Variants in FAF1 observed in about 807,000 individuals in gnomAD.
The protein encoded by FAF1 is FAS-associated factor 1.
Under a neutral mutation model 92.5 loss-of-function variants are expected in FAF1, and 25 were observed. The observed-to-expected ratio is 0.27, with a 90% CI of 0.20 to 0.38. The LOEUF (loss-of-function observed/expected upper bound fraction) is 0.38. FAF1 is among the 10% of genes least tolerant of loss of function. The pLI is 1.00. For synonymous variants in FAF1, 234 were observed against 273.2 expected (o/e 0.86, Z 1.42); for missense variants, 636 against 793.3 (o/e 0.80, Z 2.38).
intron 15 of FAF1, among the ~76,000 whole-genome samples, chr1:50,530,088 ATT>A (rs1648059475): frequency 6.6e-6 from 1 of 152,144 alleles, no homozygotes; most frequent in South Asian, 2.1e-4. Flanking sequence ...AACTTTTATA[ATT>A]TTAGCATTTT....
intron 1 of FAF1, among the ~76,000 whole-genome samples, chr1:50,934,762 A>C (rs1645073532): frequency 6.6e-6 from 1 of 152,200 alleles, no homozygotes; most frequent in Non-Finnish European, 1.5e-5. Flanking sequence ...TAAAGTCTTC[A>C]CTTTTGGTTT....
intron 15 of FAF1, among the ~76,000 whole-genome samples, chr1:50,495,549 T>C (rs72898950): frequency 0.13 from 19,487 of 152,230 alleles, 1,639 homozygotes; most frequent in African/African-American, 0.23. Context: ...TTGGCTACTG[T>C]GAACAATGCT....
At chr1:50,872,064 C>CA (rs200142842) in intron 1 of FAF1, among the ~76,000 whole-genome samples, 2,746 of 64,872 alleles carry the variant, frequency 0.042, 54 homozygotes, top group African/African-American at 0.081. Context: ...GACTCCATCT[C>CA]AAAAAAAAAA....
At chr1:50,903,269 C>T (rs779240490) in intron 1 of FAF1, among the ~76,000 whole-genome samples, 1 of 152,154 alleles carries the variant, frequency 6.6e-6, no homozygotes, top group African/African-American at 2.4e-5. Flanking sequence ...CTAAAGCCTT[C>T]CTTAATTATC....
At chr1:50,818,116 A>G (rs929328465) in intron 2 of FAF1, among the ~76,000 whole-genome samples, 1 of 152,202 alleles carries the variant, frequency 6.6e-6, no homozygotes, top group Non-Finnish European at 1.5e-5. Flanking sequence ...AAACTTATCA[A>G]ATTTTACAGT....
chr1:50,798,329 C>T (rs753496817), intron 3 of FAF1, among the ~76,000 whole-genome samples: 47 of 152,188 alleles, frequency 3.1e-4, no homozygotes, highest in Non-Finnish European at 4.3e-4. Flanking sequence ...GGTAATAAAA[C>T]AAATATGAGT....
chr1:50,451,138 G>T (rs1192322085), intron 18 of FAF1, among the ~76,000 whole-genome samples: 1 of 152,184 alleles, frequency 6.6e-6, no homozygotes, highest in Non-Finnish European at 1.5e-5. Context: ...TGGCTGCAAA[G>T]CATAGGTGTC....
chr1:50,747,006 T>G (rs1377550562), intron 4 of FAF1, among the ~76,000 whole-genome samples: 1 of 152,172 alleles, frequency 6.6e-6, no homozygotes, highest in Non-Finnish European at 1.5e-5. Context: ...AGTTGAGGCA[T>G]GGGGGCCCCC....
chr1:50,908,130 C>A (rs1192062178), intron 1 of FAF1, among the ~76,000 whole-genome samples: 5 of 152,160 alleles, frequency 3.3e-5, no homozygotes, highest in African/African-American at 1.2e-4. Context: ...TCGTTATATA[C>A]CCAGTAGTCA....
chr1:50,878,341 A>G (rs1644586674), intron 1 of FAF1, among the ~76,000 whole-genome samples: 1 of 152,184 alleles, frequency 6.6e-6, no homozygotes. Context: ...GTCCTCAGAG[A>G]ACTAAATTCA....
chr1:50,911,011 T>C (rs1570130491), intron 1 of FAF1, among the ~76,000 whole-genome samples: 1 of 151,996 alleles, frequency 6.6e-6, no homozygotes, highest in East Asian at 1.9e-4. Flanking sequence ...TCTTGGAACC[T>C]CCTTTCACCT....
intron 7 of FAF1, among the ~76,000 whole-genome samples, chr1:50,698,744 T>G (rs1337070234): frequency 6.6e-6 from 1 of 152,124 alleles, no homozygotes; most frequent in African/African-American, 2.4e-5. Context: ...CCCTATAACT[T>G]ACATTTCAAT....
chr1:50,921,643 G>C (rs1644963948), intron 1 of FAF1, among the ~76,000 whole-genome samples: 1 of 151,894 alleles, frequency 6.6e-6, no homozygotes, highest in Non-Finnish European at 1.5e-5. Context: ...CTACTAGGGA[G>C]GCTGAGTACA....
At chr1:50,497,630 C>A (rs903437831) in intron 15 of FAF1, among the ~76,000 whole-genome samples, 46 of 140,994 alleles carry the variant, frequency 3.3e-4, no homozygotes, top group African/African-American at 1.1e-3. Flanking sequence ...CTCATTGCAA[C>A]CTCCACCCCC....
At chr1:50,593,633 A>G (rs1031341679) in intron 9 of FAF1, among the ~76,000 whole-genome samples, 11 of 152,240 alleles carry the variant, frequency 7.2e-5, no homozygotes, top group African/African-American at 2.7e-4. Context: ...GTCTCTTGAA[A>G]AGGAATAAAC....
chr1:50,528,767 C>T (rs1647978847), intron 15 of FAF1, among the ~76,000 whole-genome samples: 1 of 152,058 alleles, frequency 6.6e-6, no homozygotes, highest in Non-Finnish European at 1.5e-5. Context: ...CTTTCACCTC[C>T]TCTACCTCTT....
At chr1:50,526,317 T>G (rs1647799953) in intron 15 of FAF1, among the ~76,000 whole-genome samples, 2 of 151,752 alleles carry the variant, frequency 1.3e-5, no homozygotes, top group Admixed American at 1.3e-4. Flanking sequence ...ATTTCTAGGC[T>G]GGGCATGGTG....
chr1:50,441,544 T>C (rs1646166467), intron 18 of FAF1, 21 bp from the exon 19 acceptor site: 1 of 1,423,110 alleles, frequency 7.0e-7, no homozygotes, highest in East Asian at 2.5e-5. Context: ...GAAGAACACA[T>C]ATTCAAAAGA....
chr1:50,935,454 C>A (rs1645078306), intron 1 of FAF1, among the ~76,000 whole-genome samples: 1 of 148,664 alleles, frequency 6.7e-6, no homozygotes, highest in Non-Finnish European at 1.5e-5. Flanking sequence ...AGTCATCACC[C>A]CTGGCCTGAT....
Sources: allele counts gnomAD v4.1 joint callset (sites outside exome capture counted in the v4.1 genomes callset), GRCh38; gene constraint gnomAD v4.1.1; transcripts MANE v1.5; gene names NCBI Gene and HGNC (gene_info 2026-07-23, HGNC 2026-07-21).